Variants in ERG observed in about 807,000 individuals in gnomAD.
ERG encodes transcriptional regulator ERG.
A neutral mutation model predicts 55.3 loss-of-function variants in ERG; 9 were observed. The observed-to-expected ratio is 0.16, with a 90% confidence interval of 0.10 to 0.28. ERG has a LOEUF of 0.28. Ranked by LOEUF, ERG falls within the 10% of genes least tolerant of loss-of-function variation. The pLI is 1.00. For missense variants in ERG, 434 were observed against 631.6 expected (o/e 0.69, Z 3.35); for synonymous variants, 223 against 237.3 (o/e 0.94, Z 0.55).
chr21:38,419,027 A>C (rs1451822648), intron 3 of ERG, among the ~76,000 whole-genome samples: 10 of 152,058 alleles, frequency 6.6e-5, no homozygotes, highest in Non-Finnish European at 1.5e-5. Context: ...TGTAACCAGC[A>C]TGGGGGATGT....
At chr21:38,439,238 T>C (rs1458077980) in intron 2 of ERG, among the ~76,000 whole-genome samples, 2 of 152,180 alleles carry the variant, frequency 1.3e-5, no homozygotes, top group Admixed American at 6.5e-5. Flanking sequence ...GATGCTCAGA[T>C]GGAGGAAAAG....
intron 1 of ERG, among the ~76,000 whole-genome samples, chr21:38,652,289 A>G (rs575839356): frequency 7.2e-5 from 11 of 152,244 alleles, no homozygotes; most frequent in Admixed American, 6.5e-4. Flanking sequence ...GCACAGCTCA[A>G]GGGCCTCAGC....
intron 1 of ERG, among the ~76,000 whole-genome samples, chr21:38,472,968 G>A (rs543836432): frequency 5.3e-5 from 8 of 152,192 alleles, no homozygotes; most frequent in Middle Eastern, 3.4e-3. Context: ...TTGGCTCCTC[G>A]GCTGACCTCG....
intron 1 of ERG, among the ~76,000 whole-genome samples, chr21:38,479,407 C>T (rs1233311171): frequency 6.6e-6 from 1 of 152,156 alleles, no homozygotes; most frequent in African/African-American, 2.4e-5. Flanking sequence ...CCACAATTCA[C>T]GTCCACCTGG....
In ERG at chr21:38,460,854, G is replaced by A. The variant is rs960903359; in HGVS notation, c.19-15233C>T. On this transcript the variant is annotated intron_variant, in intron 1 of 9. Transcript: ENST00000288319. The surrounding 1 kb of genome is among the most constrained non-coding windows in gnomAD (Gnocchi z 5.0). Reference sequence around the variant, plus strand: ...TCTGAATGGCAAATGGCAGACAATGGTGTCACTTCCTTTCTGCTTAGGAAG... The same window carrying A: ...TCTGAATGGCAAATGGCAGACAATGATGTCACTTCCTTTCTGCTTAGGAAG... Among the ~76,000 whole-genome samples the A allele has an allele frequency of 6.6e-6, 1 of 152,192 alleles. No homozygotes were observed. The highest frequency in any genetic ancestry group is 1.9e-4 in the East Asian group (1 of 5,192).
chr21:38,603,381 G>A (rs1048461230), intron 1 of ERG, among the ~76,000 whole-genome samples: 7 of 152,040 alleles, frequency 4.6e-5, no homozygotes, highest in African/African-American at 1.7e-4. Flanking sequence ...AGCATTTTGG[G>A]AGGCCGAGGT....
At chr21:38,513,294 T>TA (rs35826427) in intron 2 of ERG, among the ~76,000 whole-genome samples, 395 of 150,860 alleles carry the variant, frequency 2.6e-3, no homozygotes, top group African/African-American at 8.5e-3. Context: ...TGAAACTTGT[T>TA]AAAAAAAAAG....
At chr21:38,421,348 G>A (rs2146497455) in intron 3 of ERG, among the ~76,000 whole-genome samples, 1 of 152,288 alleles carries the variant, frequency 6.6e-6, no homozygotes, top group South Asian at 2.1e-4. Context: ...CCCAAAGGAT[G>A]GTCCCTTTCA....
chr21:38,500,583 G>C (rs182088641), upstream of ERG, among the ~76,000 whole-genome samples: 5 of 152,082 alleles, frequency 3.3e-5, no homozygotes, highest in African/African-American at 9.6e-5. Flanking sequence ...CATTTTCTCT[G>C]CTTTCTCTCA....
chr21:38,487,010 G>A (rs2059291611), intron 1 of ERG, among the ~76,000 whole-genome samples: 1 of 152,182 alleles, frequency 6.6e-6, no homozygotes, highest in Admixed American at 6.5e-5. Context: ...TGAAAGGCGT[G>A]GTGGGACAGG....
chr21:38,453,882 CAAA>C (rs3065380), intron 1 of ERG, among the ~76,000 whole-genome samples: 3 of 129,854 alleles, frequency 2.3e-5, no homozygotes, highest in Non-Finnish European at 4.8e-5. Context: ...AAAACTCCAT[CAAA>C]AAAAAAAAAA....
At chr21:38,500,609 TCTCA>T (rs1393942000), upstream of ERG, among the ~76,000 whole-genome samples, 1 of 152,236 alleles carries the variant, frequency 6.6e-6, no homozygotes, top group African/African-American at 2.4e-5. Flanking sequence ...GCTCTCTCTC[TCTCA>T]ATCTCTGTCT....
upstream of ERG, among the ~76,000 whole-genome samples, chr21:38,585,539 T>TC (rs2060058422): frequency 7.4e-6 from 1 of 135,732 alleles, no homozygotes; most frequent in Non-Finnish European, 1.6e-5. Flanking sequence ...CTTCTTTTTT[T>TC]TTTTTTTTTT....
In ERG at chr21:38,382,873, A is replaced by C. The variant is rs73437666; in HGVS notation, c.*530T>G. ...TGTATTTGATTTCAACCAAAACAGC[A>C]CATGCCATGCAGTTGCATATCAACG... is the stretch of plus-strand genomic sequence containing the variant. On this transcript the variant is annotated 3_prime_UTR_variant, in exon 10 of 10. Coordinates refer to ENST00000288319, the MANE Select transcript of ERG (RefSeq NM_182918.4). 1,618 of 1,066,460 alleles carry C rather than the reference A, an allele frequency of 1.5e-3. 24 individuals carry two copies. The African/African-American group carries it at 0.024, about 16-fold the overall frequency. 66.1% of individuals were successfully genotyped at this position (1,066,460 alleles called of 1,614,324 possible). A position where few individuals can be genotyped will look rare whatever the true frequency, so the allele number is the denominator to read the frequency against.
At chr21:38,581,959 C>T (rs911350470) in intron 1 of ERG, among the ~76,000 whole-genome samples, 5 of 146,730 alleles carry the variant, frequency 3.4e-5, no homozygotes, top group Admixed American at 7.0e-5. Context: ...AGGAGAATGG[C>T]GTGAACCCGG....
At chr21:38,416,616 G>A (rs1989292499) in intron 3 of ERG, among the ~76,000 whole-genome samples, 1 of 152,226 alleles carries the variant, frequency 6.6e-6, no homozygotes, top group Non-Finnish European at 1.5e-5. Context: ...CCCATCAGTA[G>A]TTTAGTTCAC....
At chr21:38,547,912 C>CA (rs57274512) in intron 2 of ERG, among the ~76,000 whole-genome samples, 29,439 of 150,868 alleles carry the variant, frequency 0.2, 3,229 homozygotes, top group East Asian at 0.33. Context: ...GCATAAAATG[C>CA]AAAAAAAATT....
At chr21:38,483,264 G>C (rs2059253966) in intron 1 of ERG, among the ~76,000 whole-genome samples, 1 of 152,110 alleles carries the variant, frequency 6.6e-6, no homozygotes, top group South Asian at 2.1e-4. Flanking sequence ...TGGGATTTTT[G>C]CTTTAAGAGT....
chr21:38,471,125 G>T (rs1340113788), intron 1 of ERG: 1 of 152,170 alleles, frequency 6.6e-6, no homozygotes, highest in Non-Finnish European at 1.5e-5. Flanking sequence ...GACGAAAATT[G>T]GACTATGGAG....
Sources: allele counts gnomAD v4.1 joint callset (sites outside exome capture counted in the v4.1 genomes callset), GRCh38; gene constraint gnomAD v4.1.1; non-coding constraint Gnocchi (gnomAD v3.1); transcripts MANE v1.5; gene names NCBI Gene and HGNC (gene_info 2026-07-23, HGNC 2026-07-21).